The following SCML4 variants were observed in gnomAD, a reference collection of about 807,000 sequenced individuals.
SCML4 encodes the protein Scm polycomb group protein like 4, also known as sex comb on midleg-like protein 4.
A neutral mutation model predicts 41.1 loss-of-function variants in SCML4; 34 were observed. The observed-to-expected ratio is 0.83, with a 90% CI of 0.63 to 1.10. The LOEUF (loss-of-function observed/expected upper bound fraction) is 1.10. Ranked by LOEUF, SCML4 falls within the 50% of genes least tolerant of loss-of-function variation. The probability of loss-of-function intolerance (pLI) is 0.00; values close to 1 mark genes in which losing one functional copy is unlikely to be tolerated. For missense variants in SCML4, 522 were observed against 534.1 expected (o/e 0.98, Z 0.22); for synonymous variants, 214 against 220.9 (o/e 0.97, Z 0.28).
chr6:107,824,083 A>C (rs181445860), intron 1 of SCML4, 43 bp downstream of exon 1: 1 of 152,348 alleles, frequency 6.6e-6, no homozygotes, highest in African/African-American at 2.4e-5. Context: ...CAAGAGAAAG[A>C]TCCCGTGTCA....
chr6:107,822,650 A>C (rs1177166877), intron 1 of SCML4, among the ~76,000 whole-genome samples: 1 of 152,158 alleles, frequency 6.6e-6, no homozygotes, highest in Non-Finnish European at 1.5e-5. Flanking sequence ...TGATGAATTT[A>C]CCAAAATATT....
At chr6:107,838,723 CG>C in the SCML4 span, among the ~76,000 whole-genome samples, 1 of 151,970 alleles carries the variant, frequency 6.6e-6, no homozygotes, top group Non-Finnish European at 1.5e-5. Context: ...GTTACATCTC[CG>C]GGGGACGGTT....
rs933628740 is a variant in SCML4, at chr6:107,702,222, C to A, written c.*2978G>T. On this transcript the variant is annotated 3_prime_UTR_variant, in exon 8 of 8. Coordinates refer to ENST00000369020, the MANE Select transcript of SCML4 (RefSeq NM_198081.5). ...TTTTAAAAAGTCAAACCTTAAATAT[C>A]ATGGCTTCAGCAATCTGTCCTGCTT... Among the ~76,000 whole-genome samples, 2 of 152,200 alleles carry A rather than the reference C, an allele frequency of 1.3e-5. No individual in the cohort carries two copies. The highest frequency in any genetic ancestry group is 4.8e-5 in the African/African-American group (2 of 41,442).
chr6:107,732,459 T>G (rs1019038507), intron 5 of SCML4: 2 of 152,256 alleles, frequency 1.3e-5, no homozygotes, highest in Non-Finnish European at 2.9e-5. Flanking sequence ...TTTCTATTTT[T>G]TCTCCCCTAA....
chr6:107,769,197 C>G (rs1014193949), intron 2 of SCML4, among the ~76,000 whole-genome samples: 10 of 152,322 alleles, frequency 6.6e-5, no homozygotes, highest in South Asian at 2.1e-4. Context: ...GGCAGTAGCA[C>G]CATAAAATGT....
At chr6:107,793,203 A>G (rs767921549) in intron 1 of SCML4, among the ~76,000 whole-genome samples, 1 of 152,156 alleles carries the variant, frequency 6.6e-6, no homozygotes, top group Non-Finnish European at 1.5e-5. Flanking sequence ...GGGTGAGGGT[A>G]TCCAGCTATG....
At chr6:107,839,387 A>AAGAAAG in the SCML4 span, among the ~76,000 whole-genome samples, 1 of 147,402 alleles carries the variant, frequency 6.8e-6, no homozygotes, top group African/African-American at 2.6e-5. Flanking sequence ...GAAAGAAAGA[A>AAGAAAG]AGAAAGAAAG....
chr6:107,827,334 T>C (rs921380652), upstream of SCML4, among the ~76,000 whole-genome samples: 1 of 147,770 alleles, frequency 6.8e-6, no homozygotes, highest in South Asian at 2.1e-4. Context: ...TTTAAATATA[T>C]CTTTATATTT....
intron 1 of SCML4, among the ~76,000 whole-genome samples, chr6:107,803,216 G>A (rs1304481405): frequency 2.1e-5 from 3 of 142,498 alleles, no homozygotes; most frequent in African/African-American, 7.8e-5. Flanking sequence ...CGTCTGAGAT[G>A]TGGGGAGCGC....
chr6:107,814,646 A>C (rs1784434224), intron 1 of SCML4, among the ~76,000 whole-genome samples: 1 of 152,158 alleles, frequency 6.6e-6, no homozygotes, highest in South Asian at 2.1e-4. Context: ...TTCACCTCCC[A>C]GGTTCAAGAG....
chr6:107,730,424 C>T (rs1485160927), intron 5 of SCML4, among the ~76,000 whole-genome samples: 1 of 152,176 alleles, frequency 6.6e-6, no homozygotes, highest in Non-Finnish European at 1.5e-5. Context: ...CAACAAGAGG[C>T]TCCAACCCAG....
chr6:107,728,662 A>G (rs1245303507), intron 5 of SCML4, among the ~76,000 whole-genome samples: 3 of 152,184 alleles, frequency 2.0e-5, no homozygotes, highest in African/African-American at 4.8e-5. Context: ...CGTGGGTGAG[A>G]TCAAAGGTAA....
chr6:107,822,764 C>T (rs903501661), intron 1 of SCML4, among the ~76,000 whole-genome samples: 1 of 152,018 alleles, frequency 6.6e-6, no homozygotes, highest in Non-Finnish European at 1.5e-5. Context: ...GTTTGTGAAG[C>T]CACCAATTTC....
chr6:107,813,390 A>G (rs1173501755), intron 1 of SCML4, among the ~76,000 whole-genome samples: 415 of 29,084 alleles, frequency 0.014, 31 homozygotes, highest in African/African-American at 0.046. Flanking sequence ...ATATATATAT[A>G]TATATATATA....
intron 5 of SCML4, among the ~76,000 whole-genome samples, chr6:107,731,478 T>C (rs1440303020): frequency 6.6e-6 from 1 of 152,186 alleles, no homozygotes; most frequent in Non-Finnish European, 1.5e-5. Context: ...TGTCTTTCTC[T>C]CTCTCTCTCA....
At chr6:107,726,137 A>G (rs1353742495) in intron 5 of SCML4, among the ~76,000 whole-genome samples, 2 of 151,974 alleles carry the variant, frequency 1.3e-5, no homozygotes, top group East Asian at 1.9e-4. Context: ...AAATTGGGGG[A>G]AAATACCTGC....
upstream of SCML4, among the ~76,000 whole-genome samples, chr6:107,828,606 T>C (rs1166076210): frequency 6.6e-6 from 1 of 152,100 alleles, no homozygotes; most frequent in African/African-American, 2.4e-5. Context: ...AAGCTAAGAT[T>C]CCATTTCTGT....
chr6:107,705,184 T>C lies in SCML4; in HGVS notation c.*16A>G. On this transcript the variant is annotated 3_prime_UTR_variant, in exon 8 of 8. Transcript: ENST00000369020. ...GATCTGTTGTTTTGGGTTTCGCTTC[T>C]GTCTTTTTAAAAAAGTCAGAACTTG... 4.5e-6 allele frequency: 7 copies of C among 1,551,152 alleles called. 1 individual carries two copies. Among genetic ancestry groups the C allele is most frequent in the Non-Finnish European group, 5.2e-6 (6 of 1,146,440 alleles).
intron 3 of SCML4, among the ~76,000 whole-genome samples, chr6:107,747,677 T>C (rs1778266318): frequency 6.6e-6 from 1 of 151,624 alleles, no homozygotes; most frequent in African/African-American, 2.4e-5. Flanking sequence ...TTTTCATATA[T>C]GATAGATTTC....
Sources: allele counts gnomAD v4.1 joint callset (sites outside exome capture counted in the v4.1 genomes callset), GRCh38; gene constraint gnomAD v4.1.1; transcripts MANE v1.5; gene names NCBI Gene and HGNC (gene_info 2026-07-23, HGNC 2026-07-21).